ZDHHC13: variants seen among roughly 807,000 people sequenced by gnomAD.
ZDHHC13 encodes zDHHC palmitoyltransferase 13, also known as palmitoyltransferase ZDHHC13.
ZDHHC13 carries 85 observed loss-of-function variants against 86.0 expected under a neutral mutation model. The ratio of observed to expected loss-of-function variants is 0.99; its 90% CI spans 0.83 to 1.18. ZDHHC13 has a LOEUF of 1.18. Among genes scored for constraint, ZDHHC13 ranks in the 50% most tolerant of loss-of-function variants. The pLI, the probability that ZDHHC13 is intolerant of heterozygous loss-of-function variation, is 0.00. For synonymous variants in ZDHHC13, 263 were observed against 246.4 expected (o/e 1.07, Z -0.63); for missense variants, 711 against 730.2 (o/e 0.97, Z 0.30).
intron 1 of ZDHHC13, among the ~76,000 whole-genome samples, chr11:19,140,714 C>T (rs1849291034): frequency 2.0e-5 from 3 of 152,108 alleles, no homozygotes; most frequent in Admixed American, 1.3e-4. Flanking sequence ...GGCACATATA[C>T]ACCATGGAAT....
intron 2 of ZDHHC13, among the ~76,000 whole-genome samples, chr11:19,143,966 A>G (rs1849391270): frequency 6.6e-6 from 1 of 152,190 alleles, no homozygotes; most frequent in Admixed American, 6.5e-5. Context: ...AGGGGAACTA[A>G]TGTTACCATA....
At chr11:19,137,159 A>G (rs1849165127) in intron 1 of ZDHHC13, among the ~76,000 whole-genome samples, 1 of 152,192 alleles carries the variant, frequency 6.6e-6, no homozygotes, top group East Asian at 1.9e-4. Context: ...AGTGTGCTGT[A>G]TTCAGGAAAC....
At chr11:19,149,676 A>C (rs900375136) in intron 5 of ZDHHC13, among the ~76,000 whole-genome samples, 2 of 152,232 alleles carry the variant, frequency 1.3e-5, no homozygotes, top group African/African-American at 4.8e-5. Flanking sequence ...CAAATCACTA[A>C]ATTAACCCAT....
At chr11:19,122,109 C>A (rs1424888463) in intron 1 of ZDHHC13, among the ~76,000 whole-genome samples, 1 of 152,182 alleles carries the variant, frequency 6.6e-6, no homozygotes. Context: ...TTTCAGCTCT[C>A]TTCTGTTTGA....
chr11:19,124,762 TG>T (rs572184668), intron 1 of ZDHHC13, among the ~76,000 whole-genome samples: 2 of 151,678 alleles, frequency 1.3e-5, no homozygotes, highest in East Asian at 3.9e-4. Context: ...TGCGTGTGTG[TG>T]GGGGGGTACT....
chr11:19,160,169 A>G (rs1439193238), intron 10 of ZDHHC13, among the ~76,000 whole-genome samples: 1 of 151,996 alleles, frequency 6.6e-6, no homozygotes, highest in Non-Finnish European at 1.5e-5. Context: ...CCATTATAGC[A>G]TGTTTTTCCT....
intron 11 of ZDHHC13, 139 bp downstream of exon 11, chr11:19,163,566 C>G (rs1849972565): frequency 1.1e-6 from 1 of 909,044 alleles, no homozygotes; most frequent in Non-Finnish European, 1.5e-6. Flanking sequence ...TAGATTTCCA[C>G]TCTTACAGTT....
Position 19,152,248 on chromosome 11 carries a change from T to C in ZDHHC13, c.675T>C (p.Val225=), listed in dbSNP as rs562428399. Residue 225 remains valine, a synonymous_variant, in exon 7 of 17, where the codon GTT becomes GTC. Transcript: ENST00000446113. The part of the protein sequence containing the change: ...IHQNTPLHWA[V]AAGNVNAVDK... ...AAAACACTCCACTTCACTGGGCAGTTGCAGCAGGAAATGTTAATGCAGTTG... is the reference window on the plus strand; with the variant it reads ...AAAACACTCCACTTCACTGGGCAGTCGCAGCAGGAAATGTTAATGCAGTTG... 49 of 1,613,444 alleles carry C rather than the reference T, an allele frequency of 3.0e-5. No homozygotes were observed. The South Asian group carries it at 5.3e-4, about 17-fold the overall frequency.
Position 19,117,199 on chromosome 11 carries a change from C to A in ZDHHC13, c.-51C>A. 5 of 1,527,698 alleles carry A rather than the reference C, an allele frequency of 3.3e-6. No homozygotes were observed. Among genetic ancestry groups the A allele is most frequent in the Non-Finnish European group, 4.4e-6 (5 of 1,140,066 alleles). 94.6% of individuals were successfully genotyped at this position (1,527,698 alleles called of 1,614,324 possible). A position where few individuals can be genotyped will look rare whatever the true frequency, so the allele number is the denominator to read the frequency against. ...GACCCAAGGCGGGCTGGCGGGCTGG[C>A]GGCAGTCGCTACTTGCCTAGTAGCC... is the stretch of plus-strand genomic sequence containing the variant. On this transcript the variant is annotated 5_prime_UTR_variant, in exon 1 of 17. Transcript: ENST00000446113. This position sits in a 1 kb window ranked among gnomAD's most constrained non-coding sequence, Gnocchi z 4.2.
intron 12 of ZDHHC13, 69 bp downstream of exon 12, chr11:19,164,432 T>C: frequency 7.0e-7 from 1 of 1,437,188 alleles, no homozygotes; most frequent in Non-Finnish European, 9.7e-7. Flanking sequence ...GATGTAAGCA[T>C]TTGTCAGATC....
rs1236275634 is a variant in ZDHHC13 at position 19,172,762 on chromosome 11, C to G, written c.1672C>G (p.Leu558Val). The G allele has an allele frequency of 6.2e-7, 1 of 1,606,164 alleles. No individual in the cohort carries two copies. The highest frequency in any genetic ancestry group is 2.2e-5 in the East Asian group (1 of 44,634). Residue 558 changes from leucine to valine, a missense_variant, in exon 16 of 17, where the codon CTG (leucine) becomes GTG (valine). Leu to Val is a conservative substitution (Grantham distance 32). Transcript: ENST00000446113. ...CCTGACCTCCCATGAGAGAATCAGC[C>G]TGCAGAAGCAGAGCAAGCATATGAA... The part of the protein sequence containing the change: ...LGLTSHERIS[L>V]QKQSKHMKQT...
At chr11:19,120,854 C>T (rs1346911039) in intron 1 of ZDHHC13, among the ~76,000 whole-genome samples, 2 of 151,884 alleles carry the variant, frequency 1.3e-5, no homozygotes, top group Non-Finnish European at 2.9e-5. Context: ...CCTAGGAAGA[C>T]GAGAGGAAGT....
At chr11:19,154,733 T>C (rs1444572607) in intron 8 of ZDHHC13, among the ~76,000 whole-genome samples, 1 of 152,164 alleles carries the variant, frequency 6.6e-6, no homozygotes, top group Non-Finnish European at 1.5e-5. Flanking sequence ...TTCTCGAAAC[T>C]CTCTTCCCTG....
chr11:19,147,557 G>T, intron 3 of ZDHHC13, 39 bp from the exon 4 acceptor site: 2 of 1,523,168 alleles, frequency 1.3e-6, no homozygotes, highest in Non-Finnish European at 1.8e-6. Context: ...TGAAGCTTAA[G>T]TTTCAAATCT....
rs1282374149 is a variant in ZDHHC13 at position 19,172,729 on chromosome 11, T to C, written c.1639T>C (p.Phe547Leu). Reference protein sequence around the residue: ...LLLNQLFQIAFLGLTSHERIS... With the variant: ...LLLNQLFQIALLGLTSHERIS... ...TTCCACCCTTCTTTTTCAGATTGCC[T>C]TTCTGGGCCTGACCTCCCATGAGAG... Residue 547 changes from phenylalanine (F) to leucine (L), a missense_variant, in exon 16 of 17, where the codon TTT becomes CTT. Physicochemically the swap from Phe to Leu is conservative, Grantham distance 22. Coordinates refer to ENST00000446113, the MANE Select transcript of ZDHHC13 (RefSeq NM_019028.3). 2 of 1,596,862 alleles carry C rather than the reference T, an allele frequency of 1.3e-6. No individual in the cohort carries two copies. Among genetic ancestry groups the C allele is most frequent in the African/African-American group, 2.7e-5 (2 of 74,444 alleles).
chr11:19,147,886 T>C (rs1849510286), intron 4 of ZDHHC13, among the ~76,000 whole-genome samples: 1 of 152,010 alleles, frequency 6.6e-6, no homozygotes. Flanking sequence ...ATATGTGTTT[T>C]ATAGTTTCTT....
At chr11:19,164,408 T>C (rs2133463016) in intron 12 of ZDHHC13, 45 bp downstream of exon 12, 1 of 1,555,878 alleles carries the variant, frequency 6.4e-7, no homozygotes. Flanking sequence ...AAGCAAAGTC[T>C]TGGTAACGTT....
rs1850363684 is a variant in ZDHHC13, at chr11:19,176,353, A to G, written c.*393A>G. On this transcript the variant is annotated 3_prime_UTR_variant, in exon 17 of 17. Coordinates refer to ENST00000446113, the MANE Select transcript of ZDHHC13 (RefSeq NM_019028.3). ...GTCTTTGTTGTATCTATAAATATGTAAAAAATATTTAAATAGATGTACCTG... is the reference window on the plus strand; with the variant it reads ...GTCTTTGTTGTATCTATAAATATGTGAAAAATATTTAAATAGATGTACCTG... 1 of 153,504 alleles carries G rather than the reference A, an allele frequency of 6.5e-6. No homozygotes were observed. Among genetic ancestry groups the G allele is most frequent in the African/African-American group, 2.4e-5 (1 of 41,476 alleles). The allele number at this position is 153,504 out of a possible 1,614,324, so 9.5% of individuals were successfully genotyped here. A position where few individuals can be genotyped will look rare whatever the true frequency, so the allele number is the denominator to read the frequency against.
At chr11:19,156,315 T>C (rs548800378) in intron 9 of ZDHHC13, among the ~76,000 whole-genome samples, 3 of 152,356 alleles carry the variant, frequency 2.0e-5, no homozygotes, top group Non-Finnish European at 4.4e-5. Flanking sequence ...TTAAGCTAGT[T>C]ATTTTTGCTG....
Sources: allele counts gnomAD v4.1 joint callset (sites outside exome capture counted in the v4.1 genomes callset), GRCh38; gene constraint gnomAD v4.1.1; non-coding constraint Gnocchi (gnomAD v3.1); transcripts MANE v1.5; gene names NCBI Gene and HGNC (gene_info 2026-07-23, HGNC 2026-07-21).